Variants in ADGRE2 observed in about 807,000 individuals in gnomAD.
ADGRE2 encodes adhesion G protein-coupled receptor E2.
Under a neutral mutation model 100.8 loss-of-function variants are expected in ADGRE2, and 83 were observed. The observed-to-expected ratio is 0.82, with a 90% CI of 0.69 to 0.99. The LOEUF (loss-of-function observed/expected upper bound fraction) is 0.99, where lower values mean the gene tolerates loss of function less well. ADGRE2 is among the 50% of genes least tolerant of loss of function. ADGRE2 has a pLI of 0.00. For synonymous variants in ADGRE2, 355 were observed against 413.0 expected, an observed-to-expected ratio of 0.86 and a Z score of 1.70; for missense variants, 814 against 1,035.7, an observed-to-expected ratio of 0.79 and a Z score of 2.94.
intron 11 of ADGRE2, among the ~76,000 whole-genome samples, chr19:14,760,221 A>G (rs62122619): frequency 0.043 from 6,561 of 152,316 alleles, 176 homozygotes; most frequent in Middle Eastern, 0.075. Context: ...TTCCCAACAC[A>G]TACAAATGAT....
chr19:14,762,001 C>T (rs1449331224), intron 11 of ADGRE2, among the ~76,000 whole-genome samples: 2 of 152,146 alleles, frequency 1.3e-5, no homozygotes, highest in Non-Finnish European at 2.9e-5. Flanking sequence ...CATAAACTCA[C>T]TCCTGGTGTG....
chr19:14,731,321 C>T (rs2042669480), downstream of ADGRE2: 2 of 870,644 alleles, frequency 2.3e-6, no homozygotes, highest in African/African-American at 1.7e-5. Flanking sequence ...GGTCAGTGGC[C>T]TTGGACTTTC....
intron 20 of ADGRE2, among the ~76,000 whole-genome samples, chr19:14,742,474 G>T (rs1011580721): frequency 1.3e-5 from 2 of 152,034 alleles, no homozygotes; most frequent in Non-Finnish European, 2.9e-5. Flanking sequence ...TCAAGCAGTT[G>T]TCCTGCCTCA....
chr19:14,773,288 CCCTT>C (rs960204502), intron 4 of ADGRE2, among the ~76,000 whole-genome samples: 10 of 146,820 alleles, frequency 6.8e-5, no homozygotes, highest in African/African-American at 1.8e-4. Flanking sequence ...CCTTTTTCCT[CCCTT>C]CCTTCCTTCC....
chr19:14,752,091 G>C (rs1158543080), intron 15 of ADGRE2, among the ~76,000 whole-genome samples: 1 of 151,782 alleles, frequency 6.6e-6, no homozygotes, highest in East Asian at 1.9e-4. Flanking sequence ...GCGCCACCAT[G>C]CCTGGCTAAT....
At chr19:14,745,006 C>T (rs896495163) in intron 18 of ADGRE2, among the ~76,000 whole-genome samples, 53 of 152,040 alleles carry the variant, frequency 3.5e-4, no homozygotes, top group African/African-American at 1.1e-3. Flanking sequence ...TCTCCTGCCT[C>T]AGCCTCTGGA....
rs758766705 is a variant in ADGRE2 at position 14,733,188 on chromosome 19, A to G, written c.*3048T>C. On this transcript the variant is annotated 3_prime_UTR_variant, in exon 21 of 21. Coordinates refer to ENST00000315576, the MANE Select transcript of ADGRE2 (RefSeq NM_013447.4). The stretch of plus-strand genomic sequence containing the variant: ...TCTCTTGAACCAGCCTTAGGCATGG[A>G]GGTTGAGGATCAGGAGTGACTTGAG... 1.3e-5 allele frequency: 2 copies of G among 152,178 alleles called. No homozygotes were observed. The highest frequency in any genetic ancestry group is 6.6e-5 in the Admixed American group (1 of 15,266). The allele number at this position is 152,178 out of a possible 1,614,324, so 9.4% of individuals were successfully genotyped here. A position where few individuals can be genotyped will look rare whatever the true frequency, so the allele number is the denominator to read the frequency against.
downstream of ADGRE2, among the ~76,000 whole-genome samples, chr19:14,728,674 C>A (rs559071437): frequency 3.0e-3 from 454 of 152,296 alleles, 1 homozygote; most frequent in Non-Finnish European, 4.8e-3. Context: ...ATGGCAAAAA[C>A]TTCCATGTGA....
In ADGRE2 at chr19:14,773,961, G is replaced by A. The variant is rs746529322; in HGVS notation, c.176C>T (p.Thr59Ile). The A allele has an allele frequency of 3.1e-6, 5 of 1,614,176 alleles. No homozygotes were observed. In the South Asian group the frequency reaches 4.4e-5, roughly 14 times the overall value. The part of the protein sequence containing the change: ...PGFSSFSEII[T>I]TPMETCDDIN... ...ACCGTCACAAGTCTCCATGGGGGTG[G>A]TGATGATCTCAGAAAAAGAGCTGAA... The change falls in exon 4 of 21, where the codon ACC (threonine) becomes ATC (isoleucine). Residue 59 changes from threonine to isoleucine, a missense_variant. By Grantham distance (89) the Thr-to-Ile change is moderately conservative. This residue lies in a region of ADGRE2 where 143 missense variants were observed against 160.3 expected (regional missense o/e 0.89). Coordinates refer to ENST00000315576, the MANE Select transcript of ADGRE2 (RefSeq NM_013447.4).
intron 1 of ADGRE2, 147 bp downstream of exon 1, chr19:14,778,110 A>G (rs2044496906): frequency 6.6e-6 from 1 of 152,218 alleles, no homozygotes; most frequent in South Asian, 2.1e-4. Context: ...CATTCCCACC[A>G]ACAGTGTAAA....
In ADGRE2 at chr19:14,755,188, C is replaced by T. The variant is rs528441370; in HGVS notation, c.1417-61G>A. ...GTGGCTCACGCCTGTAATCCCAGCA[C>T]TTTGGGAGGCTGAAGCAGGTGGATC... On this transcript the variant is annotated intron_variant, in intron 13 of 20. Coordinates refer to ENST00000315576, the MANE Select transcript of ADGRE2 (RefSeq NM_013447.4). The T allele has an allele frequency of 3.2e-6, 5 of 1,538,972 alleles. No individual in the cohort carries two copies. The South Asian group carries it at 5.8e-5, about 18-fold the overall frequency.
intron 9 of ADGRE2, 47 bp from the exon 10 acceptor site, chr19:14,765,444 G>C: frequency 6.2e-7 from 1 of 1,613,424 alleles, no homozygotes; most frequent in Non-Finnish European, 8.5e-7. Context: ...GACGGCGGGT[G>C]GGAAGTTTAG....
intron 12 of ADGRE2, 148 bp downstream of exon 12, chr19:14,756,090 G>C: frequency 7.9e-6 from 6 of 758,858 alleles, no homozygotes; most frequent in Non-Finnish European, 1.1e-5. Context: ...AACAAGGTCC[G>C]TTCCTCCTCA....
intron 5 of ADGRE2, among the ~76,000 whole-genome samples, chr19:14,770,669 C>CTTTTCTTTTTCTTTTTT (rs1380079488): frequency 1.2e-5 from 1 of 85,012 alleles, no homozygotes; most frequent in African/African-American, 4.6e-5. Flanking sequence ...TCTTTCTTTT[C>CTTTTCTTTTTCTTTTTT]TTTTTTTTTT....
intron 20 of ADGRE2, among the ~76,000 whole-genome samples, chr19:14,738,328 GA>G (rs1455302641): frequency 5.9e-5 from 9 of 152,178 alleles, no homozygotes; most frequent in African/African-American, 2.2e-4. Context: ...TGAAATGTTA[GA>G]AGTGTTATCT....
chr19:14,776,715 A>C lies in ADGRE2; in HGVS notation c.31+11T>G, dbSNP rs989185101. ...TCGCTACCACCCCCAGCGGGGCCCC[A>C]AAGTACTTACCGAGAAAGACGAGAA... is the stretch of plus-strand genomic sequence containing the variant. On this transcript the variant is annotated intron_variant, in intron 2 of 20. Coordinates refer to ENST00000315576, the MANE Select transcript of ADGRE2 (RefSeq NM_013447.4). 6.2e-7 allele frequency: 1 copy of C among 1,612,432 alleles called. No homozygotes were observed. The highest frequency in any genetic ancestry group is 8.5e-7 in the Non-Finnish European group (1 of 1,179,264).
intron 11 of ADGRE2, among the ~76,000 whole-genome samples, chr19:14,758,753 T>G (rs1301898854): frequency 6.6e-6 from 1 of 151,634 alleles, no homozygotes; most frequent in African/African-American, 2.4e-5. Context: ...GGCATGGTGG[T>G]GGGCGCCTGT....
At chr19:14,739,670 A>G (rs2042867676) in intron 20 of ADGRE2, among the ~76,000 whole-genome samples, 1 of 152,176 alleles carries the variant, frequency 6.6e-6, no homozygotes. Flanking sequence ...TGTAAATGCT[A>G]CCTGACATGG....
At chr19:14,751,910 C>CATAT in intron 15 of ADGRE2, among the ~76,000 whole-genome samples, 1 of 66,282 alleles carries the variant, frequency 1.5e-5, no homozygotes, top group African/African-American at 6.7e-5. Flanking sequence ...CACACACACA[C>CATAT]ACATATATAT....
Sources: allele counts gnomAD v4.1 joint callset (sites outside exome capture counted in the v4.1 genomes callset), GRCh38; gene constraint gnomAD v4.1.1; regional missense constraint gnomAD v4.1.1; transcripts MANE v1.5; gene names NCBI Gene and HGNC (gene_info 2026-07-23, HGNC 2026-07-21).